UTRN: variants seen among roughly 807,000 people sequenced by gnomAD.
The protein encoded by UTRN is dystrophin-related protein 1.
A neutral mutation model predicts 463.9 loss-of-function variants in UTRN; 283 were observed. That is an observed-to-expected ratio of 0.61 (90% CI 0.55 to 0.67). UTRN has a LOEUF of 0.67. Among genes scored for constraint, UTRN ranks in the 30% least tolerant of loss-of-function variants. The pLI is 0.00. For synonymous variants in UTRN, 1,442 were observed against 1,431.5 expected, an observed-to-expected ratio of 1.01 and a Z score of -0.17; for missense variants, 3,922 against 4,084.3, an observed-to-expected ratio of 0.96 and a Z score of 1.08.
At position 144,835,787 on chromosome 6, in the gene UTRN, G is replaced by A. The variant is rs550888358; in HGVS notation, c.9673G>A (p.Glu3225Lys). Residue 3225 changes from glutamate to lysine, a missense_variant, in exon 70 of 75, where the codon GAG (glutamate) becomes AAG (lysine). By Grantham distance (56) the Glu-to-Lys change is moderately conservative. Coordinates refer to ENST00000367545, the MANE Select transcript of UTRN (RefSeq NM_007124.3). ...TTTCCTTTGTCTTGCTAGGGAAGAC[G>A]AGCACGCCCTCATCCAGCAGTATTG... ...SSSTTGSVED[E>K]HALIQQYCQT... is the part of the protein sequence containing the mutation. The A allele has an allele frequency of 2.4e-5, 38 of 1,613,828 alleles. No individual in the cohort carries two copies. Among genetic ancestry groups the A allele is most frequent in the Non-Finnish European group, 3.2e-5 (38 of 1,179,932 alleles).
intron 2 of UTRN, among the ~76,000 whole-genome samples, chr6:144,325,753 C>T (rs1253317957): frequency 6.6e-6 from 1 of 152,106 alleles, no homozygotes; most frequent in African/African-American, 2.4e-5. Flanking sequence ...TTGAAAGCCT[C>T]CACCAGTAGA....
At chr6:144,772,027 T>G (rs909533771) in intron 59 of UTRN, 59 bp downstream of exon 59, 31 of 982,546 alleles carry the variant, frequency 3.2e-5, no homozygotes, top group African/African-American at 2.6e-4. Flanking sequence ...TTTTTTTTTT[T>G]TTTTTTTTTT....
intron 23 of UTRN, 42 bp from the exon 24 acceptor site, chr6:144,473,678 C>T (rs539921848): frequency 5.9e-6 from 9 of 1,533,370 alleles, no homozygotes; most frequent in African/African-American, 2.7e-5. Context: ...GTAGGCTGAA[C>T]GTCACGAAGT....
intron 10 of UTRN, 31 bp from the exon 11 acceptor site, chr6:144,437,534 G>C: frequency 6.4e-7 from 1 of 1,551,286 alleles, no homozygotes; most frequent in Non-Finnish European, 8.7e-7. Flanking sequence ...GCACTGAGTA[G>C]CTCACAAATT....
In UTRN at chr6:144,516,361, T is replaced by A. The variant is rs746805712; in HGVS notation, c.5377T>A (p.Leu1793Met). ...TATGTTAAAATTTGTGGAAAAACAC[T>A]TGGAATCCAGTGATGAAGATGAAAA... ...ENMLKFVEKH[L>M]ESSDEDEKMD... Residue 1793 changes from leucine to methionine, a missense_variant, in exon 38 of 75, where the codon TTG becomes ATG. By Grantham distance (15) the Leu-to-Met change is conservative. Coordinates refer to ENST00000367545, the MANE Select transcript of UTRN (RefSeq NM_007124.3). The A allele has an allele frequency of 6.2e-7, 1 of 1,613,504 alleles. No individual in the cohort carries two copies. The highest frequency in any genetic ancestry group is 8.5e-7 in the Non-Finnish European group (1 of 1,179,824).
intron 2 of UTRN, among the ~76,000 whole-genome samples, chr6:144,353,605 A>G (rs1407227948): frequency 2.6e-5 from 4 of 152,104 alleles, no homozygotes; most frequent in African/African-American, 9.7e-5. Flanking sequence ...GTCAGCTTCA[A>G]CTATGCCACA....
intron 30 of UTRN, among the ~76,000 whole-genome samples, 199 bp from the exon 31 acceptor site, chr6:144,489,872 G>A (rs1274478237): frequency 6.6e-6 from 1 of 151,926 alleles, no homozygotes; most frequent in Non-Finnish European, 1.5e-5. Context: ...CACCCGCCTC[G>A]GCCTCCCAAA....
intron 34 of UTRN, among the ~76,000 whole-genome samples, chr6:144,505,514 A>G (rs1202186549): frequency 2.0e-5 from 3 of 152,192 alleles, no homozygotes; most frequent in Non-Finnish European, 4.4e-5. Context: ...TTATTTACCC[A>G]GAAGTCATTC....
intron 54 of UTRN, 139 bp from the exon 55 acceptor site, chr6:144,748,107 C>T: frequency 9.2e-7 from 1 of 1,084,224 alleles, no homozygotes; most frequent in South Asian, 1.8e-5. Flanking sequence ...CTTTCTTACC[C>T]TGGACAATTT....
chr6:144,632,911 G>A (rs139944458), intron 51 of UTRN, among the ~76,000 whole-genome samples: 1,673 of 151,786 alleles, frequency 0.011, 17 homozygotes, highest in Middle Eastern at 0.027. Flanking sequence ...AGTAGAGACA[G>A]GGTTTCTCCA....
intron 2 of UTRN, among the ~76,000 whole-genome samples, chr6:144,377,386 T>TA (rs1226901341): frequency 6.6e-6 from 1 of 152,222 alleles, no homozygotes; most frequent in Non-Finnish European, 1.5e-5. Context: ...ATGTGCTTGT[T>TA]ACAGAGTTGA....
intron 39 of UTRN, among the ~76,000 whole-genome samples, chr6:144,518,350 C>T (rs1339787215): frequency 2.0e-5 from 3 of 152,174 alleles, no homozygotes; most frequent in East Asian, 3.8e-4. Context: ...GTCAATATAA[C>T]GACATACAAA....
At chr6:144,661,266 T>C (rs1158995759) in intron 51 of UTRN, among the ~76,000 whole-genome samples, 2 of 152,182 alleles carry the variant, frequency 1.3e-5, no homozygotes, top group Admixed American at 1.3e-4. Context: ...AGATGCAACA[T>C]CATGCCATCT....
chr6:144,370,943 A>G (rs1779928634), intron 2 of UTRN, among the ~76,000 whole-genome samples: 1 of 152,142 alleles, frequency 6.6e-6, no homozygotes, highest in Non-Finnish European at 1.5e-5. Context: ...GCTCCATGGG[A>G]TGTTTCTGTC....
rs1799235593 is a variant in UTRN, at chr6:144,554,803, T to C, written c.7044T>C (p.Thr2348=). 3.7e-6 allele frequency: 6 copies of C among 1,614,084 alleles called. No homozygotes were observed. Among genetic ancestry groups the C allele is most frequent in the Non-Finnish European group, 5.1e-6 (6 of 1,179,988 alleles). Residue 2348 remains threonine, a synonymous_variant, in exon 49 of 75, where the codon ACT becomes ACC. Transcript: ENST00000367545. ...SLQWDDHREE[T]EELMRKYEAR... ...AGTGGGATGACCATAGGGAGGAGAC[T>C]GAAGAACTGATGAGAAAATATGAGG...
intron 51 of UTRN, among the ~76,000 whole-genome samples, chr6:144,585,508 A>G (rs953574635): frequency 3.3e-5 from 5 of 152,110 alleles, no homozygotes; most frequent in Non-Finnish European, 7.4e-5. Flanking sequence ...AAATAAATAA[A>G]CTAGTAACAG....
chr6:144,451,472 C>T lies in UTRN; in HGVS notation c.2175C>T (p.Ser725=), dbSNP rs776551743. The part of the protein sequence containing the change: ...IKEYMKMQDT[S]EMKKKLKALE... ...AGTATATGAAGATGCAAGACACTTCCGAAATGAAAAAGAAGTTGAAGGTAA... is the reference window on the plus strand; with the variant it reads ...AGTATATGAAGATGCAAGACACTTCTGAAATGAAAAAGAAGTTGAAGGTAA... Residue 725 remains serine (S), a synonymous_variant, in exon 18 of 75, where the codon TCC becomes TCT. Transcript: ENST00000367545. 1.2e-5 allele frequency: 20 copies of T among 1,608,696 alleles called. No individual in the cohort carries two copies. The South Asian group carries it at 1.4e-4, about 12-fold the overall frequency.
intron 63 of UTRN, among the ~76,000 whole-genome samples, chr6:144,795,113 C>T (rs1397083057): frequency 6.6e-6 from 1 of 152,088 alleles, no homozygotes; most frequent in African/African-American, 2.4e-5. Flanking sequence ...TGAGTGAGAA[C>T]ATGTGGTGTT....
Position 144,461,221 on chromosome 6 carries a change from C to A in UTRN, c.2732C>A (p.Ala911Glu), listed in dbSNP as rs544169716. ...GAACTGAAGGGCCAACCTGGACATG[C>A]ATATCTGGAAACATTGAAAACACTG... is the stretch of plus-strand genomic sequence containing the variant. Reference protein sequence around the residue: ...ENELKGQPGHAYLETLKTLKD... With the variant: ...ENELKGQPGHEYLETLKTLKD... Residue 911 changes from alanine (A) to glutamate (E), a missense_variant, in exon 22 of 75, where the codon GCA (alanine) becomes GAA (glutamate). Physicochemically the swap from Ala to Glu is moderately radical, Grantham distance 107. This residue lies in a region of UTRN where 2,349 missense variants were observed against 2,303.8 expected (regional missense o/e 1.02). Transcript: ENST00000367545. The A allele has an allele frequency of 1.4e-5, 23 of 1,596,466 alleles. No homozygotes were observed. In the South Asian group the frequency reaches 2.2e-4, roughly 15 times the overall value.
Sources: allele counts gnomAD v4.1 joint callset (sites outside exome capture counted in the v4.1 genomes callset), GRCh38; gene constraint gnomAD v4.1.1; regional missense constraint gnomAD v4.1.1; transcripts MANE v1.5; gene names NCBI Gene and HGNC (gene_info 2026-07-23, HGNC 2026-07-21).